Variants in EXOC4 observed in about 807,000 individuals in gnomAD.
EXOC4 encodes exocyst complex component 4, also known as SEC8-like 1.
A neutral mutation model predicts 107.2 loss-of-function variants in EXOC4; 71 were observed. The observed-to-expected ratio is 0.66, with a 90% CI of 0.55 to 0.81. The LOEUF (loss-of-function observed/expected upper bound fraction) is 0.81, where lower values mean the gene tolerates loss of function less well. Ranked by LOEUF, EXOC4 falls within the 30% of genes least tolerant of loss-of-function variation. The probability of loss-of-function intolerance (pLI) is 0.00; values close to 1 mark genes in which losing one functional copy is unlikely to be tolerated. For synonymous variants in EXOC4, 456 were observed against 441.2 expected (o/e 1.03, Z -0.42); for missense variants, 1,108 against 1,189.6 (o/e 0.93, Z 1.01).
intron 9 of EXOC4, among the ~76,000 whole-genome samples, chr7:133,550,345 C>T (rs979607665): frequency 6.6e-6 from 1 of 152,158 alleles, no homozygotes; most frequent in Admixed American, 6.5e-5. Context: ...GTACTGTATT[C>T]TGTTGTATTA....
intron 14 of EXOC4, among the ~76,000 whole-genome samples, chr7:133,982,821 A>G (rs1585299343): frequency 1.3e-5 from 2 of 152,160 alleles, no homozygotes; most frequent in Non-Finnish European, 2.9e-5. Flanking sequence ...GTCCGCCTCC[A>G]AAGGACCACC....
chr7:133,349,083 GATT>G (rs1795850046), intron 5 of EXOC4, among the ~76,000 whole-genome samples: 1 of 151,652 alleles, frequency 6.6e-6, no homozygotes, highest in Non-Finnish European at 1.5e-5. Flanking sequence ...TTGTGTAAGT[GATT>G]ATATCATGTA....
chr7:133,371,239 T>C (rs1242728321), intron 6 of EXOC4, among the ~76,000 whole-genome samples: 1 of 152,196 alleles, frequency 6.6e-6, no homozygotes, highest in East Asian at 1.9e-4. Flanking sequence ...TTTTAACAGC[T>C]AATTGAGGTA....
downstream of EXOC4, among the ~76,000 whole-genome samples, chr7:134,071,368 A>G (rs1399148344): frequency 6.6e-6 from 1 of 152,218 alleles, no homozygotes; most frequent in Non-Finnish European, 1.5e-5. Context: ...AATAAAGGAA[A>G]GTGACTTTAT....
intron 10 of EXOC4, among the ~76,000 whole-genome samples, chr7:133,644,277 C>T (rs1242504184): frequency 1.3e-5 from 2 of 152,202 alleles, no homozygotes; most frequent in African/African-American, 4.8e-5. Context: ...GATTGCTGCT[C>T]TGCCCTTGCT....
intron 10 of EXOC4, among the ~76,000 whole-genome samples, chr7:133,710,566 A>G (rs1048928702): frequency 1.3e-5 from 2 of 149,556 alleles, no homozygotes; most frequent in African/African-American, 2.5e-5. Flanking sequence ...AGGCTGAGGC[A>G]GGAGAATGGC....
rs565206239 is a variant in EXOC4, at chr7:134,032,436, G to A, written c.2687+24601G>A. Reference sequence around the variant, plus strand: ...CCATCTTCCTGCTGCTAATGGGACTGATTGGCACCTCTCCACACCACATCA... The same window carrying A: ...CCATCTTCCTGCTGCTAATGGGACTAATTGGCACCTCTCCACACCACATCA... On this transcript the variant is annotated intron_variant, in intron 17 of 17. Transcript: ENST00000253861. Among the ~76,000 whole-genome samples, 3 of 152,176 alleles carry A rather than the reference G, an allele frequency of 2.0e-5. 1 individual carries two copies. The highest frequency in any genetic ancestry group is 4.1e-4 in the South Asian group (2 of 4,830).
chr7:134,069,454 CCTT>C (rs1796242449), downstream of EXOC4, among the ~76,000 whole-genome samples: 2 of 150,236 alleles, frequency 1.3e-5, no homozygotes, highest in South Asian at 2.1e-4. Flanking sequence ...TGCTCCTCCT[CCTT>C]CTCCTTCCTC....
chr7:133,655,501 A>G (rs1026705435), intron 10 of EXOC4, among the ~76,000 whole-genome samples: 1 of 152,222 alleles, frequency 6.6e-6, no homozygotes, highest in Non-Finnish European at 1.5e-5. Context: ...GTACGGTGGT[A>G]CAAAAATATT....
chr7:133,554,154 A>G (rs990173323), intron 9 of EXOC4, among the ~76,000 whole-genome samples: 4 of 152,106 alleles, frequency 2.6e-5, no homozygotes, highest in Non-Finnish European at 5.9e-5. Flanking sequence ...ATCTTTAGGA[A>G]AATAGTAACT....
At chr7:133,857,643 C>A (rs1372496442) in intron 11 of EXOC4, among the ~76,000 whole-genome samples, 1 of 151,744 alleles carries the variant, frequency 6.6e-6, no homozygotes, top group Admixed American at 6.6e-5. Context: ...CAGCCAGACA[C>A]CCCAGCTGCT....
intron 10 of EXOC4, among the ~76,000 whole-genome samples, chr7:133,722,851 G>T (rs2151108219): frequency 6.6e-6 from 1 of 152,300 alleles, no homozygotes; most frequent in South Asian, 2.1e-4. Flanking sequence ...TCACAGATTG[G>T]ATTATTGCCA....
intron 12 of EXOC4, among the ~76,000 whole-genome samples, chr7:133,896,340 A>G (rs2042452): frequency 0.62 from 93,633 of 151,482 alleles, 31,321 homozygotes; most frequent in African/African-American, 0.89. Flanking sequence ...AATAATGGGA[A>G]CAAATTATAA....
intron 9 of EXOC4, among the ~76,000 whole-genome samples, chr7:133,493,917 G>A (rs10260563): frequency 0.85 from 129,413 of 152,174 alleles, 55,363 homozygotes; most frequent in East Asian, 0.95. Context: ...AAACCATTTG[G>A]TCTGCAGTGG....
chr7:133,800,374 C>T (rs1006106390), intron 10 of EXOC4, among the ~76,000 whole-genome samples: 1 of 151,998 alleles, frequency 6.6e-6, no homozygotes, highest in East Asian at 1.9e-4. Context: ...ATATCGTCTT[C>T]TTCTAGAGAA....
At chr7:133,842,155 T>C (rs905421333) in intron 11 of EXOC4, among the ~76,000 whole-genome samples, 31 of 152,236 alleles carry the variant, frequency 2.0e-4, no homozygotes, top group Non-Finnish European at 3.4e-4. Context: ...TTATATTCCT[T>C]TGGGTATATA....
intron 10 of EXOC4, among the ~76,000 whole-genome samples, chr7:133,766,141 T>C (rs1485236791): frequency 6.6e-6 from 1 of 151,992 alleles, no homozygotes; most frequent in African/African-American, 2.4e-5. Flanking sequence ...TACTTGAATA[T>C]GGCTTTTAGG....
intron 10 of EXOC4, among the ~76,000 whole-genome samples, chr7:133,801,620 T>G (rs1423341073): frequency 6.6e-6 from 1 of 152,176 alleles, no homozygotes; most frequent in Non-Finnish European, 1.5e-5. Flanking sequence ...AGGGTAATTG[T>G]GCTGTTAGGG....
intron 2 of EXOC4, among the ~76,000 whole-genome samples, chr7:133,277,557 T>C (rs1426712767): frequency 1.3e-5 from 2 of 152,232 alleles, no homozygotes; most frequent in Non-Finnish European, 2.9e-5. Flanking sequence ...TTTGTTTTAG[T>C]AGCCACGTTT....
Sources: allele counts gnomAD v4.1 joint callset (sites outside exome capture counted in the v4.1 genomes callset), GRCh38; gene constraint gnomAD v4.1.1; transcripts MANE v1.5; gene names NCBI Gene and HGNC (gene_info 2026-07-23, HGNC 2026-07-21).